RAMACL: variants seen among roughly 807,000 people sequenced by gnomAD.
The protein encoded by RAMACL is RNA guanine-N7 methyltransferase-activating subunit-like protein.
Under a neutral mutation model 13.4 loss-of-function variants are expected in RAMACL, and 9 were observed. That is an observed-to-expected ratio of 0.67 (90% CI 0.41 to 1.17). The LOEUF is 1.17. RAMACL is among the 50% of genes most tolerant of loss of function. The pLI is 0.01. For missense variants in RAMACL, 124 were observed against 141.6 expected, an observed-to-expected ratio of 0.88 and a Z score of 0.63; for synonymous variants, 39 against 49.3, an observed-to-expected ratio of 0.79 and a Z score of 0.88.
chr6:166,586,152 TA>T lies in RAMACL; in HGVS notation c.325del (p.Tyr109ThrfsTer18). 6.4e-7 allele frequency: 1 copy of T among 1,552,328 alleles called. No individual in the cohort carries two copies. The highest frequency in any genetic ancestry group is 2.3e-5 in the East Asian group (1 of 44,016). Reference sequence around the variant, plus strand: ...GTAACCGTAAGGAGGCCGCTGGTTGTAACCATAATGTCCATATTGCTGGGGA... The same window carrying T: ...GTAACCGTAAGGAGGCCGCTGGTTGTACCATAATGTCCATATTGCTGGGGA... On this transcript the variant is annotated frameshift_variant, in exon 1 of 1. Coordinates refer to ENST00000444122, the Ensembl canonical transcript of RAMACL. LOFTEE classifies it high-confidence loss of function.
At chr6:166,586,544 G>T in exon 1 of RAMACL, 3 of 1,478,912 alleles carry the variant, frequency 2.0e-6, no homozygotes, top group Non-Finnish European at 1.8e-6. Flanking sequence ...ATCCGCCAAG[G>T]GCTATGTCTA....
At chr6:166,584,235 G>A (rs1361551341), downstream of RAMACL, among the ~76,000 whole-genome samples, 2 of 152,314 alleles carry the variant, frequency 1.3e-5, no homozygotes, top group East Asian at 1.9e-4. Context: ...TTCTTGCAGC[G>A]CCCTTTCGTG....
chr6:166,583,420 C>T (rs556132692), downstream of RAMACL, among the ~76,000 whole-genome samples: 4 of 152,296 alleles, frequency 2.6e-5, no homozygotes, highest in South Asian at 2.1e-4. Flanking sequence ...TGTTGAGCAA[C>T]TTCAAAGCAC....
At chr6:166,585,629 G>T (rs1181959469) in exon 1 of RAMACL, among the ~76,000 whole-genome samples, 1 of 50,558 alleles carries the variant, frequency 2.0e-5, no homozygotes, top group Non-Finnish European at 3.1e-5. Flanking sequence ...CTTAACAAAT[G>T]CAAAAAAAAA....
exon 1 of RAMACL, chr6:166,586,109 C>T (rs1456717217): frequency 2.9e-6 from 4 of 1,384,296 alleles, no homozygotes; most frequent in Non-Finnish European, 3.8e-6. Flanking sequence ...CTAAAAGCTG[C>T]CAACATTTCT....
chr6:166,585,498 CTTTTTTT>C (rs58153048), downstream of RAMACL, among the ~76,000 whole-genome samples: 9 of 86,310 alleles, frequency 1.0e-4, no homozygotes, highest in African/African-American at 1.4e-4. Flanking sequence ...TCAAACAAGT[CTTTTTTT>C]TTTTTTTTTT....
At chr6:166,585,408 AATTTTCAC>A (rs1785136346), downstream of RAMACL, among the ~76,000 whole-genome samples, 1 of 151,830 alleles carries the variant, frequency 6.6e-6, no homozygotes, top group Non-Finnish European at 1.5e-5. Context: ...TACAGAACCT[AATTTTCAC>A]ATTTACTTAT....
downstream of RAMACL, among the ~76,000 whole-genome samples, chr6:166,584,548 G>A (rs770684423): frequency 6.6e-6 from 1 of 152,146 alleles, no homozygotes; most frequent in East Asian, 1.9e-4. Flanking sequence ...GGCCAGTTAT[G>A]TCATGACATC....
downstream of RAMACL, among the ~76,000 whole-genome samples, chr6:166,584,246 G>A (rs1681050726): frequency 6.6e-6 from 1 of 152,194 alleles, no homozygotes; most frequent in Non-Finnish European, 1.5e-5. Flanking sequence ...CCCTTTCGTG[G>A]TGGAGCAAGA....
exon 1 of RAMACL, chr6:166,586,348 T>G: frequency 6.3e-7 from 1 of 1,599,608 alleles, no homozygotes; most frequent in South Asian, 1.1e-5. Context: ...GCTCTGCTAT[T>G]CCATTCCTCA....
downstream of RAMACL, among the ~76,000 whole-genome samples, chr6:166,583,524 A>C (rs1785082153): frequency 6.6e-6 from 1 of 152,184 alleles, no homozygotes; most frequent in Admixed American, 6.5e-5. Context: ...GTGCTGAAAC[A>C]CTGCGGAAGT....
chr6:166,583,528 C>T (rs1156382336), downstream of RAMACL, among the ~76,000 whole-genome samples: 2 of 152,202 alleles, frequency 1.3e-5, no homozygotes, highest in Admixed American at 6.5e-5. Context: ...TGAAACACTG[C>T]GGAAGTCATG....
chr6:166,584,571 T>C (rs1785112419), downstream of RAMACL, among the ~76,000 whole-genome samples: 1 of 152,212 alleles, frequency 6.6e-6, no homozygotes, highest in African/African-American at 2.4e-5. Flanking sequence ...AATTAATAAA[T>C]GAAAAATGCC....
chr6:166,583,570 A>G (rs997001216), downstream of RAMACL, among the ~76,000 whole-genome samples: 17 of 152,336 alleles, frequency 1.1e-4, no homozygotes, highest in South Asian at 3.3e-3. Context: ...CACTGTCCAG[A>G]GGTGACAAAG....
downstream of RAMACL, among the ~76,000 whole-genome samples, chr6:166,584,784 C>A (rs1002149093): frequency 4.6e-5 from 7 of 152,208 alleles, no homozygotes; most frequent in African/African-American, 1.4e-4. Context: ...GCTCAGAAAG[C>A]GTTCCAATAG....
chr6:166,584,470 C>T (rs1046344589), downstream of RAMACL, among the ~76,000 whole-genome samples: 3 of 152,206 alleles, frequency 2.0e-5, no homozygotes, highest in African/African-American at 7.2e-5. Flanking sequence ...CATGACCATA[C>T]TCAGTGATGA....
exon 1 of RAMACL, chr6:166,586,169 T>A: frequency 1.3e-6 from 2 of 1,569,396 alleles, no homozygotes; most frequent in Non-Finnish European, 1.7e-6. Context: ...AATGTCCATA[T>A]TGCTGGGGAT....
chr6:166,584,354 G>A (rs1284237400), downstream of RAMACL, among the ~76,000 whole-genome samples: 1 of 152,174 alleles, frequency 6.6e-6, no homozygotes, highest in Non-Finnish European at 1.5e-5. Context: ...TTCCTTACAG[G>A]CCCTTTCTCC....
At chr6:166,583,855 T>C (rs1785093619), downstream of RAMACL, among the ~76,000 whole-genome samples, 1 of 152,170 alleles carries the variant, frequency 6.6e-6, no homozygotes, top group East Asian at 1.9e-4. Context: ...CTTCCATGGG[T>C]TCTATCTAAT....
Sources: allele counts gnomAD v4.1 joint callset (sites outside exome capture counted in the v4.1 genomes callset), GRCh38; gene constraint gnomAD v4.1.1; transcripts MANE v1.5; gene names NCBI Gene and HGNC (gene_info 2026-07-23, HGNC 2026-07-21).